Variants in PAPPA2 observed in about 807,000 individuals in gnomAD.
PAPPA2 encodes the protein pappalysin-2.
Under a neutral mutation model 176.4 loss-of-function variants are expected in PAPPA2, and 86 were observed. The ratio of observed to expected loss-of-function variants is 0.49; its 90% CI spans 0.41 to 0.58. The LOEUF is 0.58. Among genes scored for constraint, PAPPA2 ranks in the 20% least tolerant of loss-of-function variants. The probability of loss-of-function intolerance (pLI) is 0.00; values close to 1 mark genes in which losing one functional copy is unlikely to be tolerated. For synonymous variants in PAPPA2, 809 were observed against 852.2 expected (o/e 0.95, Z 0.88); for missense variants, 2,073 against 2,256.9 (o/e 0.92, Z 1.65).
At chr1:176,765,388 C>A (rs1663915258) in intron 14 of PAPPA2, among the ~76,000 whole-genome samples, 2 of 152,180 alleles carry the variant, frequency 1.3e-5, no homozygotes, top group African/African-American at 4.8e-5. Flanking sequence ...ACAGAACTCT[C>A]AGAATCTGTT....
chr1:176,611,326 T>G (rs1398553890), intron 3 of PAPPA2, among the ~76,000 whole-genome samples: 3 of 152,212 alleles, frequency 2.0e-5, no homozygotes, highest in Non-Finnish European at 4.4e-5. Context: ...GTTTGTTCAA[T>G]GACCTAACCA....
intron 17 of PAPPA2, 73 bp from the exon 18 acceptor site, chr1:176,789,736 T>C (rs979381252): frequency 3.6e-5 from 55 of 1,508,060 alleles, no homozygotes; most frequent in Non-Finnish European, 5.0e-5. Context: ...TTATGCCATA[T>C]TGCTGAGGAT....
At chr1:176,591,585 A>G (rs1364929805) in intron 2 of PAPPA2, among the ~76,000 whole-genome samples, 3 of 152,206 alleles carry the variant, frequency 2.0e-5, no homozygotes, top group Non-Finnish European at 2.9e-5. Context: ...TTTGATCACT[A>G]TAGAATCTCC....
intron 17 of PAPPA2, among the ~76,000 whole-genome samples, chr1:176,785,268 G>A (rs980051072): frequency 1.3e-5 from 2 of 152,112 alleles, no homozygotes; most frequent in African/African-American, 2.4e-5. Context: ...CAAGACTTGC[G>A]CCATAAGCTG....
chr1:176,699,802 T>G lies in PAPPA2; in HGVS notation c.3236+213T>G, dbSNP rs1044832318. Reference sequence around the variant, plus strand: ...TGTCTGATTGCTGATGCCATCATCATGATTATGGACAAAAGGTTAGTGTAT... The same window carrying G: ...TGTCTGATTGCTGATGCCATCATCAGGATTATGGACAAAAGGTTAGTGTAT... On this transcript the variant is annotated intron_variant, in intron 8 of 22. Coordinates refer to ENST00000367662, the MANE Select transcript of PAPPA2 (RefSeq NM_020318.3). 3.3e-5 allele frequency among the ~76,000 whole-genome samples: 5 copies of G among 152,174 alleles called. No individual in the cohort carries two copies. In the East Asian group the frequency reaches 9.6e-4, roughly 29 times the overall value.
At chr1:176,591,984 G>C (rs192496561) in intron 2 of PAPPA2, among the ~76,000 whole-genome samples, 3 of 152,258 alleles carry the variant, frequency 2.0e-5, no homozygotes, top group Non-Finnish European at 4.4e-5. Flanking sequence ...GCTCAGTGAG[G>C]AATTTGATTT....
At chr1:176,483,564 G>A (rs1186337524) in intron 1 of PAPPA2, among the ~76,000 whole-genome samples, 3 of 149,964 alleles carry the variant, frequency 2.0e-5, no homozygotes, top group East Asian at 2.0e-4. Context: ...TCCGCTTCCC[G>A]GGTTCAAGCG....
At chr1:176,638,939 CGTGTGTGT>C (rs34264749) in intron 3 of PAPPA2, among the ~76,000 whole-genome samples, 42 of 143,116 alleles carry the variant, frequency 2.9e-4, no homozygotes, top group African/African-American at 8.6e-4. Flanking sequence ...TGTGCATGTG[CGTGTGTGT>C]GTGTGTGTGT....
chr1:176,627,446 G>C (rs147171838), intron 3 of PAPPA2, among the ~76,000 whole-genome samples: 2 of 152,266 alleles, frequency 1.3e-5, no homozygotes, highest in East Asian at 3.9e-4. Context: ...ATTACACAAA[G>C]AGCAGTGACT....
intron 17 of PAPPA2, among the ~76,000 whole-genome samples, chr1:176,773,353 T>C (rs1310855962): frequency 6.6e-6 from 1 of 152,172 alleles, no homozygotes; most frequent in East Asian, 1.9e-4. Flanking sequence ...TGGTTCCTTG[T>C]ATGTGGAAAA....
intron 1 of PAPPA2, among the ~76,000 whole-genome samples, chr1:176,526,767 T>G (rs1012477560): frequency 6.6e-6 from 1 of 152,206 alleles, no homozygotes; most frequent in Non-Finnish European, 1.5e-5. Flanking sequence ...CAGGAGCTAC[T>G]AGGAGAGTGA....
chr1:176,660,365 T>G (rs1237154951), intron 3 of PAPPA2, among the ~76,000 whole-genome samples: 1 of 151,218 alleles, frequency 6.6e-6, no homozygotes, highest in African/African-American at 2.4e-5. Context: ...TGTGTGTGCT[T>G]AAGTGTAGAT....
chr1:176,695,304 A>G (rs61823001), intron 6 of PAPPA2, among the ~76,000 whole-genome samples: 6,180 of 152,266 alleles, frequency 0.041, 148 homozygotes, highest in Non-Finnish European at 0.056. Flanking sequence ...GGAGCTTAAA[A>G]CATAAGGACA....
At chr1:176,724,971 A>G (rs12141627) in intron 12 of PAPPA2, among the ~76,000 whole-genome samples, 12,515 of 152,010 alleles carry the variant, frequency 0.082, 591 homozygotes, top group Middle Eastern at 0.12. Context: ...TTATGGAAAA[A>G]CTCATGGTCC....
At chr1:176,767,412 T>C (rs922308028) in intron 15 of PAPPA2, among the ~76,000 whole-genome samples, 1 of 152,134 alleles carries the variant, frequency 6.6e-6, no homozygotes, top group African/African-American at 2.4e-5. Context: ...CGATCTCAGC[T>C]CACTGCAACC....
chr1:176,731,592 G>A (rs554881540), intron 12 of PAPPA2, among the ~76,000 whole-genome samples: 1 of 152,080 alleles, frequency 6.6e-6, no homozygotes, highest in South Asian at 2.1e-4. Flanking sequence ...AATTACAGAA[G>A]TGAGCCACCA....
chr1:176,690,835 C>G, intron 5 of PAPPA2: 1 of 1,000,110 alleles, frequency 1.0e-6, no homozygotes, highest in Non-Finnish European at 1.2e-6. Flanking sequence ...TCAAGGTGGC[C>G]CATTGTACTG....
chr1:176,666,038 G>T (rs1658622472), intron 3 of PAPPA2, among the ~76,000 whole-genome samples: 1 of 152,130 alleles, frequency 6.6e-6, no homozygotes, highest in Non-Finnish European at 1.5e-5. Context: ...GAATAGAAGG[G>T]CTCCCAATGG....
intron 6 of PAPPA2, 38 bp downstream of exon 6, chr1:176,692,356 T>C: frequency 5.2e-6 from 8 of 1,531,654 alleles, no homozygotes; most frequent in Non-Finnish European, 7.2e-6. Flanking sequence ...CTGGCTTATT[T>C]CTCTGTGGCA....
Sources: gnomAD v4.1 joint callset for allele counts (sites outside exome capture counted in the v4.1 genomes callset) on GRCh38, gnomAD v4.1.1 for gene constraint, MANE v1.5 for transcripts, NCBI Gene and HGNC (gene_info 2026-07-23, HGNC 2026-07-21) for gene names.